UTRN: variants seen among roughly 807,000 people sequenced by gnomAD.
The protein encoded by UTRN is utrophin.
A neutral mutation model predicts 463.9 loss-of-function variants in UTRN; 283 were observed. The ratio of observed to expected loss-of-function variants is 0.61; its 90% CI spans 0.55 to 0.67. UTRN has a LOEUF of 0.67. UTRN is among the 30% of genes least tolerant of loss of function. The probability of loss-of-function intolerance (pLI) is 0.00; values close to 1 mark genes in which losing one functional copy is unlikely to be tolerated. For missense variants in UTRN, 3,922 were observed against 4,084.3 expected (o/e 0.96, Z 1.08); for synonymous variants, 1,442 against 1,431.5 (o/e 1.01, Z -0.17).
At chr6:144,809,986 C>T (rs536360033) in intron 65 of UTRN, among the ~76,000 whole-genome samples, 1 of 152,216 alleles carries the variant, frequency 6.6e-6, no homozygotes, top group Admixed American at 6.5e-5. Context: ...GAAACGGAAG[C>T]CTGTGTATTT....
At chr6:144,770,442 T>C (rs758618816) in intron 58 of UTRN, among the ~76,000 whole-genome samples, 2 of 152,204 alleles carry the variant, frequency 1.3e-5, no homozygotes, top group Non-Finnish European at 2.9e-5. Context: ...TATCACTCTC[T>C]TAGGTACTAT....
chr6:144,516,184 G>A, intron 37 of UTRN, 45 bp from the exon 38 acceptor site: 1 of 1,588,028 alleles, frequency 6.3e-7, no homozygotes, highest in Non-Finnish European at 8.6e-7. Flanking sequence ...ATGATGGAAA[G>A]TCAAATTAAA....
intron 61 of UTRN, among the ~76,000 whole-genome samples, chr6:144,784,463 C>T (rs1327145880): frequency 3.9e-5 from 6 of 152,190 alleles, no homozygotes. Context: ...ATCTCCTCTT[C>T]CTCTAAGGAC....
chr6:144,779,398 G>A (rs1192491774), intron 60 of UTRN, among the ~76,000 whole-genome samples: 1 of 152,094 alleles, frequency 6.6e-6, no homozygotes, highest in Non-Finnish European at 1.5e-5. Flanking sequence ...CATGTTAACA[G>A]TCAATTAACA....
At chr6:144,399,339 A>T (rs1454981243) in intron 2 of UTRN, among the ~76,000 whole-genome samples, 1 of 152,218 alleles carries the variant, frequency 6.6e-6, no homozygotes, top group African/African-American at 2.4e-5. Context: ...ATTGGGAGTG[A>T]TTCACATGTA....
chr6:144,603,208 A>T (rs1285654380), intron 51 of UTRN, among the ~76,000 whole-genome samples: 1 of 152,148 alleles, frequency 6.6e-6, no homozygotes, highest in Admixed American at 6.5e-5. Context: ...TTCTGGACAA[A>T]TAGCTTTCTG....
At chr6:144,828,411 T>C (rs1172867794) in intron 68 of UTRN, among the ~76,000 whole-genome samples, 1 of 152,196 alleles carries the variant, frequency 6.6e-6, no homozygotes, top group Non-Finnish European at 1.5e-5. Flanking sequence ...TTGGATCATG[T>C]CCTTAGTTGA....
At chr6:144,840,187 A>C (rs1039357290) in intron 72 of UTRN, among the ~76,000 whole-genome samples, 2 of 151,898 alleles carry the variant, frequency 1.3e-5, no homozygotes, top group Non-Finnish European at 2.9e-5. Context: ...CATCTCAAAA[A>C]ATATATATAT....
At chr6:144,807,280 T>C (rs2128748763) in intron 65 of UTRN, among the ~76,000 whole-genome samples, 1 of 152,282 alleles carries the variant, frequency 6.6e-6, no homozygotes, top group Non-Finnish European at 1.5e-5. Flanking sequence ...CTAAATATTT[T>C]GCCAATATAT....
Position 144,803,106 on chromosome 6 carries a change from G to C in UTRN, c.9316G>C (p.Gly3106Arg). Residue 3106 changes from glycine to arginine, a missense_variant, in exon 65 of 75, where the codon GGT (glycine) becomes CGT (arginine). By Grantham distance (125) the Gly-to-Arg change is moderately radical (BLOSUM62 -2). Around this residue, in one of 3 missense-constraint regions of UTRN, gnomAD observed 1,309 missense variants for 1,452.6 expected, o/e 0.90. Transcript: ENST00000367545. ...SCFFSGRTAK[G>R]HKLHYPMVEY... The stretch of plus-strand genomic sequence containing the variant: ...TTTCTTTTCGGGTCGAACAGCAAAA[G>C]GTCACAAATTACATTACCCAATGGT... The C allele has an allele frequency of 6.3e-7, 1 of 1,591,054 alleles. No individual in the cohort carries two copies. Among genetic ancestry groups the C allele is most frequent in the South Asian group, 1.1e-5 (1 of 87,644 alleles).
chr6:144,326,716 T>C (rs1775995146), intron 2 of UTRN, among the ~76,000 whole-genome samples: 1 of 152,178 alleles, frequency 6.6e-6, no homozygotes, highest in Non-Finnish European at 1.5e-5. Flanking sequence ...GTGGCTTCCT[T>C]CTGCTCTTCT....
At chr6:144,753,663 G>A (rs944615969) in intron 56 of UTRN, among the ~76,000 whole-genome samples, 16 of 145,206 alleles carry the variant, frequency 1.1e-4, no homozygotes, top group Non-Finnish European at 2.1e-4. Context: ...GATGTAGAGT[G>A]TCCAACCTGG....
intron 51 of UTRN, among the ~76,000 whole-genome samples, chr6:144,604,657 T>C (rs1167321648): frequency 1.3e-5 from 2 of 152,174 alleles, no homozygotes; most frequent in Non-Finnish European, 2.9e-5. Context: ...CTCATGCTTG[T>C]AATCCCAGCA....
At chr6:144,532,638 C>T (rs1302785216) in intron 42 of UTRN, among the ~76,000 whole-genome samples, 1 of 152,156 alleles carries the variant, frequency 6.6e-6, no homozygotes, top group Non-Finnish European at 1.5e-5. Flanking sequence ...GAAGCAATAT[C>T]TTAGTAAAAT....
intron 39 of UTRN, 40 bp from the exon 40 acceptor site, chr6:144,521,940 T>A (rs745407202): frequency 2.9e-6 from 3 of 1,034,802 alleles, no homozygotes; most frequent in African/African-American, 3.7e-5. Flanking sequence ...TTAAGAGATA[T>A]ATATATATAT....
chr6:144,832,292 A>T (rs1039005902), intron 69 of UTRN, among the ~76,000 whole-genome samples: 6 of 152,278 alleles, frequency 3.9e-5, no homozygotes, highest in Middle Eastern at 3.4e-3. Context: ...GTTTTATATA[A>T]ATGATTGTTA....
intron 51 of UTRN, among the ~76,000 whole-genome samples, chr6:144,675,287 A>G (rs1781477267): frequency 6.6e-6 from 1 of 152,164 alleles, no homozygotes; most frequent in Non-Finnish European, 1.5e-5. Context: ...GAATGTCTGC[A>G]AAGAGTCCTG....
intron 23 of UTRN, among the ~76,000 whole-genome samples, chr6:144,469,404 T>A (rs1157538214): frequency 1.3e-5 from 2 of 152,236 alleles, no homozygotes; most frequent in Non-Finnish European, 2.9e-5. Context: ...TCTCTGTTTT[T>A]CAGAACAACC....
chr6:144,494,304 C>A lies in UTRN; in HGVS notation c.4593+848C>A, dbSNP rs188356306. Among the ~76,000 whole-genome samples the A allele has an allele frequency of 4.0e-4, 61 of 152,218 alleles. 2 individuals are homozygous for A. Among genetic ancestry groups the A allele is most frequent in the Admixed American group, 3.3e-3 (50 of 15,294 alleles). ...TGGTCTTCCTGGCTCAGGAGTGACG[C>A]TGCAGACCTTTGCAGTGAGTGTTAC... is the stretch of plus-strand genomic sequence containing the variant. On this transcript the variant is annotated intron_variant, in intron 33 of 74. Transcript: ENST00000367545.
Sources: gnomAD v4.1 joint callset for allele counts (sites outside exome capture counted in the v4.1 genomes callset) on GRCh38, gnomAD v4.1.1 for gene constraint, gnomAD v4.1.1 regional missense constraint, MANE v1.5 for transcripts, NCBI Gene and HGNC (gene_info 2026-07-23, HGNC 2026-07-21) for gene names.